The following CNGB3 variants were observed in gnomAD, a reference collection of about 807,000 sequenced individuals.
CNGB3 encodes the protein cyclic nucleotide gated channel subunit beta 3.
CNGB3 carries 86 observed loss-of-function variants against 92.8 expected under a neutral mutation model. The observed-to-expected ratio is 0.93, with a 90% CI of 0.78 to 1.11. CNGB3 has a LOEUF of 1.11. Among genes scored for constraint, CNGB3 ranks in the 50% least tolerant of loss-of-function variants. The pLI, the probability that CNGB3 is intolerant of heterozygous loss-of-function variation, is 0.00. For missense variants in CNGB3, 1,026 were observed against 956.8 expected (o/e 1.07, Z -0.95); for synonymous variants, 333 against 332.7 (o/e 1.00, Z -0.01).
intron 3 of CNGB3, among the ~76,000 whole-genome samples, chr8:86,717,166 C>G (rs1586033912): frequency 6.6e-6 from 1 of 151,976 alleles, no homozygotes; most frequent in African/African-American, 2.4e-5. Context: ...GAGGAAAATA[C>G]CACAATCCTA....
chr8:86,692,193 A>G (rs1025147162), intron 3 of CNGB3, among the ~76,000 whole-genome samples: 3 of 152,164 alleles, frequency 2.0e-5, no homozygotes, highest in Non-Finnish European at 2.9e-5. Flanking sequence ...AAAAGAATGT[A>G]TAGTCTGCAG....
intron 12 of CNGB3, among the ~76,000 whole-genome samples, chr8:86,627,958 C>T (rs568612182): frequency 6.6e-6 from 1 of 152,164 alleles, no homozygotes; most frequent in African/African-American, 2.4e-5. Flanking sequence ...AGGATGAAGA[C>T]CTTTATGATG....
At chr8:86,670,880 T>A (rs902584637) in intron 4 of CNGB3, 64 bp downstream of exon 4, 1 of 1,556,992 alleles carries the variant, frequency 6.4e-7, no homozygotes, top group African/African-American at 1.4e-5. Flanking sequence ...AACTAAAACA[T>A]CTGCAAAACA....
At chr8:86,723,619 G>A (rs973824003) in intron 3 of CNGB3, among the ~76,000 whole-genome samples, 4 of 152,108 alleles carry the variant, frequency 2.6e-5, no homozygotes, top group Non-Finnish European at 5.9e-5. Context: ...GTTCTACATG[G>A]TATTGAACTT....
chr8:86,665,002 G>A (rs991008477), intron 6 of CNGB3, among the ~76,000 whole-genome samples: 1 of 152,192 alleles, frequency 6.6e-6, no homozygotes, highest in Admixed American at 6.5e-5. Context: ...TATGAACAAT[G>A]TGGCTGAGAA....
intron 2 of CNGB3, among the ~76,000 whole-genome samples, chr8:86,738,143 A>G (rs1436156503): frequency 2.6e-5 from 4 of 152,128 alleles, no homozygotes; most frequent in Non-Finnish European, 4.4e-5. Context: ...TTATGGCAAT[A>G]ATTTTATTTT....
chr8:86,648,960 G>A (rs1405494454), intron 7 of CNGB3, among the ~76,000 whole-genome samples: 1 of 151,450 alleles, frequency 6.6e-6, no homozygotes, highest in Non-Finnish European at 1.5e-5. Flanking sequence ...AAAGTCTCAG[G>A]TTGTGAAATC....
chr8:86,585,720 G>A (rs1220229990), intron 15 of CNGB3, among the ~76,000 whole-genome samples: 1 of 152,152 alleles, frequency 6.6e-6, no homozygotes, highest in Non-Finnish European at 1.5e-5. Flanking sequence ...ATCTCCTGAA[G>A]GGCTTAGTAA....
intron 3 of CNGB3, among the ~76,000 whole-genome samples, chr8:86,702,817 A>G (rs888223591): frequency 1.3e-5 from 2 of 151,728 alleles, no homozygotes; most frequent in African/African-American, 4.8e-5. Flanking sequence ...TAAGCTTTTA[A>G]TATATATATT....
At chr8:86,709,204 T>A (rs1824705625) in intron 3 of CNGB3, among the ~76,000 whole-genome samples, 1 of 152,118 alleles carries the variant, frequency 6.6e-6, no homozygotes, top group South Asian at 2.1e-4. Flanking sequence ...TGCAAGTTTG[T>A]TTGGTTCATT....
At chr8:86,669,004 G>A (rs1823805080) in intron 4 of CNGB3, among the ~76,000 whole-genome samples, 1 of 152,040 alleles carries the variant, frequency 6.6e-6, no homozygotes, top group Non-Finnish European at 1.5e-5. Context: ...GGGTGACAGA[G>A]CAAGACCCTG....
At position 86,643,780 on chromosome 8, in the gene CNGB3, A is replaced by G. The variant is rs554368357; in HGVS notation, c.1149T>C (p.Thr383=). The change falls in exon 10 of 18, where the codon ACT becomes ACC. Residue 383 remains threonine, a synonymous_variant. Transcript: ENST00000320005. ...WASNYEGIGT[T]RWVYDGEGNE... is the part of the protein sequence containing the mutation. ...TTCCTTCCCCATCATACACCCATCT[A>G]GTAGTGCCAATTCCTTCATAGTTTG... is the stretch of plus-strand genomic sequence containing the variant. 1.6e-5 allele frequency: 26 copies of G among 1,606,152 alleles called. No homozygotes were observed. The African/African-American group carries it at 2.8e-4, about 18-fold the overall frequency.
At chr8:86,592,110 C>T (rs1277117722) in intron 15 of CNGB3, among the ~76,000 whole-genome samples, 1 of 152,226 alleles carries the variant, frequency 6.6e-6, no homozygotes, top group East Asian at 1.9e-4. Context: ...TTTCCAGGTG[C>T]CGTCCGTCAC....
intron 2 of CNGB3, among the ~76,000 whole-genome samples, chr8:86,729,528 T>G (rs1825124283): frequency 6.6e-6 from 1 of 152,232 alleles, no homozygotes; most frequent in Non-Finnish European, 1.5e-5. Context: ...CTAATTTGAT[T>G]TGTGGATAAA....
chr8:86,713,028 G>A (rs935382573), intron 3 of CNGB3, among the ~76,000 whole-genome samples: 4 of 152,026 alleles, frequency 2.6e-5, no homozygotes, highest in African/African-American at 9.7e-5. Flanking sequence ...ACAAGTACCT[G>A]ATAGAATATG....
At chr8:86,578,033 C>T (rs1159096334) in intron 17 of CNGB3, among the ~76,000 whole-genome samples, 1 of 152,126 alleles carries the variant, frequency 6.6e-6, no homozygotes, top group Admixed American at 6.5e-5. Flanking sequence ...CCTCAGCCTC[C>T]CAAGTAGCTG....
chr8:86,655,795 G>A (rs1383802651), intron 6 of CNGB3, among the ~76,000 whole-genome samples: 2 of 152,136 alleles, frequency 1.3e-5, no homozygotes, highest in Non-Finnish European at 2.9e-5. Flanking sequence ...TGACTAGAGT[G>A]GCATTTGTTA....
chr8:86,600,728 G>T (rs1822279672), intron 15 of CNGB3, among the ~76,000 whole-genome samples: 1 of 144,948 alleles, frequency 6.9e-6, no homozygotes, highest in Non-Finnish European at 1.5e-5. Context: ...TCCTGCCTCA[G>T]CCTCCCGAGT....
Position 86,685,411 on chromosome 8 carries a change from AT to A in CNGB3, c.339-14314del, listed in dbSNP as rs1307827218. ...TTTTCACAAGCTCCTCAGTTAATTT[AT>A]ATGCACGTCGACGTTTGAGAAACAT... is the stretch of plus-strand genomic sequence containing the variant. On this transcript the variant is annotated intron_variant, in intron 3 of 17. Coordinates refer to ENST00000320005, the MANE Select transcript of CNGB3 (RefSeq NM_019098.5). 6.6e-5 allele frequency among the ~76,000 whole-genome samples: 10 copies of A among 152,054 alleles called. No homozygotes were observed. The East Asian group carries it at 1.5e-3, about 23-fold the overall frequency.
Sources: gnomAD v4.1 joint callset for allele counts (sites outside exome capture counted in the v4.1 genomes callset) on GRCh38, gnomAD v4.1.1 for gene constraint, MANE v1.5 for transcripts, NCBI Gene and HGNC (gene_info 2026-07-23, HGNC 2026-07-21) for gene names.